Variants in DOCK1 observed in about 807,000 individuals in gnomAD.
DOCK1 encodes the protein dedicator of cytokinesis 1.
Under a neutral mutation model 262.7 loss-of-function variants are expected in DOCK1, and 138 were observed. The ratio of observed to expected loss-of-function variants is 0.53; its 90% CI spans 0.46 to 0.61. The LOEUF is 0.61. Ranked by LOEUF, DOCK1 falls within the 20% of genes least tolerant of loss-of-function variation. The pLI is 0.00. For missense variants in DOCK1, 1,908 were observed against 2,370.7 expected, an observed-to-expected ratio of 0.80 and a Z score of 4.05; for synonymous variants, 866 against 867.4, an observed-to-expected ratio of 1.00 and a Z score of 0.03.
chr10:127,290,750 T>C (rs7089779), intron 29 of DOCK1, among the ~76,000 whole-genome samples: 3,422 of 152,318 alleles, frequency 0.022, 109 homozygotes, highest in African/African-American at 0.078. Flanking sequence ...GGTTGTTGTA[T>C]ATAGCAATAG....
At chr10:127,271,587 T>C (rs1336956192) in intron 29 of DOCK1, among the ~76,000 whole-genome samples, 1 of 152,194 alleles carries the variant, frequency 6.6e-6, no homozygotes, top group African/African-American at 2.4e-5. Context: ...CACTTAATAT[T>C]TGTCATGTGC....
At chr10:127,353,688 C>G (rs551859725) in intron 31 of DOCK1, among the ~76,000 whole-genome samples, 1 of 152,346 alleles carries the variant, frequency 6.6e-6, no homozygotes, top group Admixed American at 6.5e-5. Flanking sequence ...TGGCCTCCCA[C>G]GCACCACAGC....
intron 29 of DOCK1, among the ~76,000 whole-genome samples, chr10:127,300,572 A>G (rs2061646064): frequency 6.6e-6 from 1 of 152,244 alleles, no homozygotes; most frequent in South Asian, 2.1e-4. Context: ...CTTTTATAGC[A>G]CAAATGTTAC....
In DOCK1 at chr10:127,128,600, C is replaced by A. The variant is rs1855553; in HGVS notation, c.2847+836C>A. On this transcript the variant is annotated intron_variant, in intron 27 of 51. Coordinates refer to ENST00000623213, the MANE Select transcript of DOCK1 (RefSeq NM_001290223.2). ...GTTCTCCTCCCTGTGTGCATGTATT[C>A]TCATTGTTCACCTCCCACTTATGAG... 1.6e-3 allele frequency among the ~76,000 whole-genome samples: 238 copies of A among 152,046 alleles called. 1 individual carries two copies. The highest frequency in any genetic ancestry group is 5.4e-3 in the African/African-American group (224 of 41,428).
intron 19 of DOCK1, among the ~76,000 whole-genome samples, chr10:127,042,018 A>G (rs2044049788): frequency 1.3e-5 from 2 of 152,324 alleles, no homozygotes; most frequent in Admixed American, 6.5e-5. Flanking sequence ...AATTACATGT[A>G]TGATGCTTTG....
chr10:127,008,093 ATTTTCTTT>A (rs1044104590), intron 10 of DOCK1, among the ~76,000 whole-genome samples: 31 of 151,984 alleles, frequency 2.0e-4, no homozygotes, highest in South Asian at 1.7e-3. Context: ...CGCTTTCTAC[ATTTTCTTT>A]TTTTCTTTTG....
intron 29 of DOCK1, among the ~76,000 whole-genome samples, chr10:127,293,102 T>C (rs1180833567): frequency 6.6e-6 from 1 of 152,072 alleles, no homozygotes; most frequent in East Asian, 1.9e-4. Context: ...AGGAGGGGGC[T>C]GTTGTAGGGT....
chr10:127,211,117 G>T (rs1002870870), intron 27 of DOCK1, among the ~76,000 whole-genome samples: 2 of 152,126 alleles, frequency 1.3e-5, no homozygotes, highest in African/African-American at 4.8e-5. Context: ...TACTCATCTT[G>T]TGGAAGTGAA....
At chr10:127,011,899 G>A (rs1438383158) in intron 11 of DOCK1, among the ~76,000 whole-genome samples, 2 of 152,080 alleles carry the variant, frequency 1.3e-5, no homozygotes, top group East Asian at 1.9e-4. Flanking sequence ...CATTCTTTGG[G>A]ATTAAATGCC....
At chr10:127,321,721 C>A (rs1003029422) in intron 29 of DOCK1, among the ~76,000 whole-genome samples, 12 of 141,708 alleles carry the variant, frequency 8.5e-5, no homozygotes, top group Non-Finnish European at 1.5e-4. Flanking sequence ...ACCCCTCCCC[C>A]CGCCGCCCCT....
At chr10:127,397,541 T>C (rs1055400864) in intron 38 of DOCK1, among the ~76,000 whole-genome samples, 30 of 150,230 alleles carry the variant, frequency 2.0e-4, no homozygotes, top group African/African-American at 6.6e-4. Context: ...GTGTCTCCTA[T>C]GTGATCTGAG....
chr10:127,166,052 C>A (rs1039801829), intron 27 of DOCK1, among the ~76,000 whole-genome samples: 5 of 152,254 alleles, frequency 3.3e-5, no homozygotes, highest in Middle Eastern at 3.4e-3. Flanking sequence ...TTAAAAAATG[C>A]CTGCATTTTC....
chr10:127,257,608 C>T (rs1205676760), intron 29 of DOCK1, 179 bp downstream of exon 29: 5 of 482,004 alleles, frequency 1.0e-5, no homozygotes, highest in South Asian at 7.4e-5. Flanking sequence ...TGGTGACTTC[C>T]TTATGACAAC....
At chr10:127,111,857 C>T (rs538722835) in intron 25 of DOCK1, among the ~76,000 whole-genome samples, 7 of 152,146 alleles carry the variant, frequency 4.6e-5, no homozygotes, top group East Asian at 1.9e-4. Context: ...TGTAAATTGT[C>T]GATGAATTGT....
chr10:127,433,399 C>T lies in DOCK1; in HGVS notation c.5031C>T (p.Asp1677=), dbSNP rs753753747. Residue 1677 remains aspartate (D), a synonymous_variant, in exon 48 of 52, where the codon GAC becomes GAT. Transcript: ENST00000623213. ...SVASVSSLSS[D]STPSRPGSDG... Reference sequence around the variant, plus strand: ...CCTCTGTCTCTTCCCTCTCATCGGACAGCACCCCTTCCAGACCAGGCTCCG... The same window carrying T: ...CCTCTGTCTCTTCCCTCTCATCGGATAGCACCCCTTCCAGACCAGGCTCCG... The T allele has an allele frequency of 1.2e-6, 2 of 1,614,006 alleles. No individual in the cohort carries two copies. The highest frequency in any genetic ancestry group is 1.7e-6 in the Non-Finnish European group (2 of 1,179,898).
chr10:127,074,510 T>C (rs937345833), intron 23 of DOCK1, among the ~76,000 whole-genome samples: 4 of 152,210 alleles, frequency 2.6e-5, no homozygotes, highest in African/African-American at 7.2e-5. Context: ...TGTGACACTT[T>C]TATAATTCAA....
chr10:127,142,679 T>A (rs1409429686), intron 27 of DOCK1, among the ~76,000 whole-genome samples: 4 of 152,142 alleles, frequency 2.6e-5, no homozygotes, highest in Non-Finnish European at 5.9e-5. Context: ...ACTGTAGGGA[T>A]TTACCTTTGT....
rs919398333 is a variant in DOCK1 at position 127,294,316 on chromosome 10, GTTTTGTT to G, written c.3044+36904_3044+36910del. Among the ~76,000 whole-genome samples, 12 of 151,620 alleles carry G rather than the reference GTTTTGTT, an allele frequency of 7.9e-5. 1 individual carries two copies. The East Asian group carries it at 1.4e-3, about 17-fold the overall frequency. ...TTGTTGTCGTTTTTTGTTTTGTTTT[GTTTTGTT>G]TTTTGTTTTTTGTTTTAGATGAATT... On this transcript the variant is annotated intron_variant, in intron 29 of 51. Coordinates refer to ENST00000623213, the MANE Select transcript of DOCK1 (RefSeq NM_001290223.2).
intron 1 of DOCK1, among the ~76,000 whole-genome samples, chr10:126,907,618 G>A (rs1403313888): frequency 6.6e-6 from 1 of 152,130 alleles, no homozygotes; most frequent in African/African-American, 2.4e-5. Flanking sequence ...GTTACCCTTC[G>A]TCTGCCCCCA....
Sources: allele counts gnomAD v4.1 joint callset (sites outside exome capture counted in the v4.1 genomes callset), GRCh38; gene constraint gnomAD v4.1.1; transcripts MANE v1.5; gene names NCBI Gene and HGNC (gene_info 2026-07-23, HGNC 2026-07-21).